The following ANKS1B variants were observed in gnomAD, a reference collection of about 807,000 sequenced individuals.
ANKS1B encodes ankyrin repeat and sterile alpha motif domain-containing protein 1B.
In ANKS1B, 36 loss-of-function variants were observed where a neutral mutation model predicts 148.3. That is an observed-to-expected ratio of 0.24 (90% CI 0.19 to 0.32). ANKS1B has a LOEUF of 0.32. Among genes scored for constraint, ANKS1B ranks in the 10% least tolerant of loss-of-function variants. The pLI, the probability that ANKS1B is intolerant of heterozygous loss-of-function variation, is 1.00. For missense variants in ANKS1B, 1,157 were observed against 1,542.6 expected, an observed-to-expected ratio of 0.75 and a Z score of 4.19; for synonymous variants, 542 against 560.8, an observed-to-expected ratio of 0.97 and a Z score of 0.47.
chr12:99,003,599 G>A (rs756458806), intron 17 of ANKS1B, among the ~76,000 whole-genome samples: 5 of 152,206 alleles, frequency 3.3e-5, no homozygotes, highest in Admixed American at 6.5e-5. Context: ...ATCTTTTAAC[G>A]TTTACAGGAA....
chr12:99,565,709 G>C (rs1481885477), intron 9 of ANKS1B, among the ~76,000 whole-genome samples: 2 of 152,052 alleles, frequency 1.3e-5, no homozygotes, highest in East Asian at 3.9e-4. Context: ...TAGAATTTTG[G>C]GGACTTAACC....
At chr12:98,977,319 A>G (rs2099898440) in intron 17 of ANKS1B, among the ~76,000 whole-genome samples, 1 of 152,230 alleles carries the variant, frequency 6.6e-6, no homozygotes, top group African/African-American at 2.4e-5. Flanking sequence ...TTTGCATTTC[A>G]TTGCAAAGAT....
intron 9 of ANKS1B, among the ~76,000 whole-genome samples, chr12:99,571,423 C>T (rs2153222978): frequency 6.6e-6 from 1 of 151,358 alleles, no homozygotes; most frequent in Non-Finnish European, 1.5e-5. Context: ...GGTCAAAAAT[C>T]ACAACAAGAA....
chr12:99,140,750 A>G (rs919242846), intron 15 of ANKS1B, among the ~76,000 whole-genome samples: 1 of 152,150 alleles, frequency 6.6e-6, no homozygotes, highest in Admixed American at 6.6e-5. Flanking sequence ...CCTGTGGAGC[A>G]TGATTGTCTT....
chr12:99,257,857 G>A (rs1026637028), intron 12 of ANKS1B, among the ~76,000 whole-genome samples: 1 of 152,072 alleles, frequency 6.6e-6, no homozygotes, highest in African/African-American at 2.4e-5. Flanking sequence ...GCTGAGCCAG[G>A]GAACAGTGTC....
intron 14 of ANKS1B, among the ~76,000 whole-genome samples, chr12:99,165,308 T>C (rs1360744476): frequency 1.3e-5 from 2 of 151,784 alleles, no homozygotes; most frequent in African/African-American, 4.8e-5. Flanking sequence ...AAACAAAAGA[T>C]CAATAGAGAA....
intron 1 of ANKS1B, among the ~76,000 whole-genome samples, chr12:99,827,208 A>G (rs2083311441): frequency 6.6e-6 from 1 of 152,156 alleles, no homozygotes; most frequent in Non-Finnish European, 1.5e-5. Flanking sequence ...ACAATAAAAT[A>G]TTATTCAGCC....
At chr12:99,755,962 A>G (rs1393330306) in intron 8 of ANKS1B, among the ~76,000 whole-genome samples, 1 of 152,046 alleles carries the variant, frequency 6.6e-6, no homozygotes, top group Non-Finnish European at 1.5e-5. Context: ...TAAGAGCCAT[A>G]TATGACAAAC....
intron 17 of ANKS1B, among the ~76,000 whole-genome samples, chr12:98,888,374 G>A (rs2099744984): frequency 6.6e-6 from 1 of 151,994 alleles, no homozygotes; most frequent in Admixed American, 6.6e-5. Flanking sequence ...TTCTCACCTG[G>A]ACTACTCTCA....
chr12:99,331,656 C>G (rs369097723), intron 12 of ANKS1B, among the ~76,000 whole-genome samples: 1 of 151,978 alleles, frequency 6.6e-6, no homozygotes, highest in South Asian at 2.1e-4. Flanking sequence ...GAATGTGGTT[C>G]GTTCACTGAG....
At chr12:98,789,421 T>TATA in intron 22 of ANKS1B, among the ~76,000 whole-genome samples, 1 of 149,168 alleles carries the variant, frequency 6.7e-6, no homozygotes, top group African/African-American at 2.5e-5. Context: ...GATGTATAGT[T>TATA]TTTTTTTTTT....
At chr12:98,931,239 CT>C (rs913504826) in intron 17 of ANKS1B, among the ~76,000 whole-genome samples, 3 of 152,154 alleles carry the variant, frequency 2.0e-5, no homozygotes, top group African/African-American at 7.2e-5. Context: ...TCCACCATAT[CT>C]TTCAAACTCA....
At chr12:99,272,383 G>A (rs2077146890) in intron 12 of ANKS1B, among the ~76,000 whole-genome samples, 2 of 152,292 alleles carry the variant, frequency 1.3e-5, no homozygotes, top group African/African-American at 4.8e-5. Context: ...CTGGGAAAAT[G>A]ATGAAGTAGG....
chr12:98,938,741 T>C (rs1008028295), intron 17 of ANKS1B, among the ~76,000 whole-genome samples: 4 of 152,198 alleles, frequency 2.6e-5, no homozygotes, highest in Non-Finnish European at 5.9e-5. Flanking sequence ...GGGCTAAGAA[T>C]AGATCACATT....
intron 15 of ANKS1B, among the ~76,000 whole-genome samples, chr12:99,141,021 T>C (rs903611010): frequency 2.6e-5 from 4 of 152,216 alleles, no homozygotes; most frequent in African/African-American, 9.6e-5. Context: ...CCTCCTGTTA[T>C]CACAGGAATG....
chr12:99,540,876 CA>C (rs1378026399), intron 9 of ANKS1B, among the ~76,000 whole-genome samples: 1 of 150,492 alleles, frequency 6.6e-6, no homozygotes, highest in African/African-American at 2.4e-5. Context: ...ATACAATTGA[CA>C]AAATTTCAGG....
At chr12:99,499,726 C>A (rs2096637816) in intron 10 of ANKS1B, among the ~76,000 whole-genome samples, 1 of 152,052 alleles carries the variant, frequency 6.6e-6, no homozygotes, top group Admixed American at 6.6e-5. Context: ...CCCGTTGACA[C>A]CACATGGAAC....
At chr12:98,847,557 G>A (rs1261829855) in intron 17 of ANKS1B, among the ~76,000 whole-genome samples, 1 of 151,966 alleles carries the variant, frequency 6.6e-6, no homozygotes, top group Non-Finnish European at 1.5e-5. Context: ...GACTAATGCT[G>A]CAATGAACAC....
intron 8 of ANKS1B, among the ~76,000 whole-genome samples, chr12:99,674,677 G>C (rs12581909): frequency 0.015 from 2,288 of 151,676 alleles, 53 homozygotes; most frequent in East Asian, 0.067. Flanking sequence ...CAAAACATGC[G>C]AATTGAAGTC....
Sources: gnomAD v4.1 joint callset for allele counts (sites outside exome capture counted in the v4.1 genomes callset) on GRCh38, gnomAD v4.1.1 for gene constraint, MANE v1.5 for transcripts, NCBI Gene and HGNC (gene_info 2026-07-23, HGNC 2026-07-21) for gene names.